The following BRINP3 variants were observed in gnomAD, a reference collection of about 807,000 sequenced individuals.
The protein encoded by BRINP3 is BMP/retinoic acid-inducible neural-specific protein 3.
BRINP3 carries 19 observed loss-of-function variants against 71.0 expected under a neutral mutation model. The ratio of observed to expected loss-of-function variants is 0.27; its 90% CI spans 0.19 to 0.39. The LOEUF is 0.39. Ranked by LOEUF, BRINP3 falls within the 10% of genes least tolerant of loss-of-function variation. The probability of loss-of-function intolerance (pLI) is 1.00; values close to 1 mark genes in which losing one functional copy is unlikely to be tolerated. For missense variants in BRINP3, 959 were observed against 940.8 expected (o/e 1.02, Z -0.25); for synonymous variants, 380 against 337.7 (o/e 1.13, Z -1.37).
intron 2 of BRINP3, among the ~76,000 whole-genome samples, chr1:190,375,425 A>G (rs1282257831): frequency 2.0e-5 from 3 of 151,966 alleles, no homozygotes; most frequent in Admixed American, 6.6e-5. Context: ...GAAAATATTG[A>G]TTTTTACTTT....
intron 2 of BRINP3, among the ~76,000 whole-genome samples, chr1:190,366,175 C>G (rs1355769552): frequency 6.6e-6 from 1 of 152,066 alleles, no homozygotes; most frequent in Non-Finnish European, 1.5e-5. Context: ...CTGCCTGAGA[C>G]TGAGTAATTT....
intron 6 of BRINP3, among the ~76,000 whole-genome samples, chr1:190,162,212 G>A (rs1479519342): frequency 1.4e-5 from 2 of 140,642 alleles, no homozygotes; most frequent in African/African-American, 5.7e-5. Flanking sequence ...TTTTTTTTGA[G>A]ATGGGGTTTT....
chr1:190,346,374 A>G (rs371743008), intron 2 of BRINP3, among the ~76,000 whole-genome samples: 8 of 152,078 alleles, frequency 5.3e-5, no homozygotes, highest in Non-Finnish European at 1.0e-4. Context: ...CTTTGTTAAT[A>G]TATAGTTAGT....
intron 7 of BRINP3, among the ~76,000 whole-genome samples, chr1:190,113,063 A>G (rs1453409781): frequency 6.6e-6 from 1 of 152,168 alleles, no homozygotes; most frequent in African/African-American, 2.4e-5. Flanking sequence ...AACTGTTGAT[A>G]CTACACAGTG....
chr1:190,337,117 T>C (rs1166725787), intron 2 of BRINP3, among the ~76,000 whole-genome samples: 1 of 151,904 alleles, frequency 6.6e-6, no homozygotes, highest in Non-Finnish European at 1.5e-5. Flanking sequence ...TGAAGTTATG[T>C]TTAACACTCA....
At chr1:190,314,037 T>C (rs1240326027) in intron 2 of BRINP3, among the ~76,000 whole-genome samples, 2 of 152,086 alleles carry the variant, frequency 1.3e-5, no homozygotes, top group Non-Finnish European at 2.9e-5. Flanking sequence ...TTAAGGGCTT[T>C]GTATTTTTTC....
chr1:190,277,087 T>TTTTTTATATATA (rs1290283215), intron 3 of BRINP3, among the ~76,000 whole-genome samples: 2 of 36,006 alleles, frequency 5.6e-5, no homozygotes, highest in Non-Finnish European at 1.3e-4. Context: ...AATTTTGGTT[T>TTTTTTATATATA]TATATATATA....
intron 7 of BRINP3, among the ~76,000 whole-genome samples, chr1:190,125,264 T>C (rs1653992183): frequency 6.6e-6 from 1 of 151,784 alleles, no homozygotes; most frequent in South Asian, 2.1e-4. Context: ...AACATGTCTA[T>C]ATATGCCTAT....
chr1:190,186,946 G>T (rs1302912286), intron 6 of BRINP3, among the ~76,000 whole-genome samples: 2 of 152,120 alleles, frequency 1.3e-5, no homozygotes, highest in African/African-American at 4.8e-5. Flanking sequence ...CTCTGAAATA[G>T]ATCTGTATCT....
chr1:190,369,598 A>C (rs1486365474), intron 2 of BRINP3, among the ~76,000 whole-genome samples: 3 of 152,086 alleles, frequency 2.0e-5, no homozygotes, highest in Non-Finnish European at 4.4e-5. Context: ...TTTGACAAAA[A>C]GACAATGTGT....
intron 6 of BRINP3, among the ~76,000 whole-genome samples, chr1:190,163,641 T>G (rs1272261297): frequency 1.3e-5 from 2 of 152,122 alleles, no homozygotes; most frequent in African/African-American, 4.8e-5. Context: ...TATTAATGAA[T>G]TCTGTGGAAA....
chr1:190,172,626 C>T (rs550677398), intron 6 of BRINP3, among the ~76,000 whole-genome samples: 13 of 152,218 alleles, frequency 8.5e-5, no homozygotes, highest in African/African-American at 3.1e-4. Flanking sequence ...TGTCATTAGT[C>T]TGAAGCTGGT....
chr1:190,223,262 T>C (rs1268237565), intron 6 of BRINP3, among the ~76,000 whole-genome samples: 1 of 151,860 alleles, frequency 6.6e-6, no homozygotes, highest in Admixed American at 6.6e-5. Flanking sequence ...TGAGCAGAGA[T>C]GCAAAGATAA....
intron 2 of BRINP3, among the ~76,000 whole-genome samples, chr1:190,295,694 G>T (rs1664193928): frequency 6.6e-6 from 1 of 151,816 alleles, no homozygotes; most frequent in Admixed American, 6.6e-5. Flanking sequence ...GACTATGAGG[G>T]CCCTGCCCTG....
At chr1:190,412,993 T>A (rs1470659884) in intron 2 of BRINP3, among the ~76,000 whole-genome samples, 1 of 152,198 alleles carries the variant, frequency 6.6e-6, no homozygotes, top group Non-Finnish European at 1.5e-5. Context: ...ATATTTTGCT[T>A]CATCACATTA....
chr1:190,164,842 G>T lies in BRINP3; in HGVS notation c.962-3952C>A, dbSNP rs564296912. 1.1e-4 allele frequency among the ~76,000 whole-genome samples: 17 copies of T among 152,030 alleles called. No homozygotes were observed. The South Asian group carries it at 3.5e-3, about 32-fold the overall frequency. ...CCCATCTCATCGACCCAAAACGCTG[G>T]AGTTTCAGGTATGACCTACAGTGCC... On this transcript the variant is annotated intron_variant, in intron 6 of 7. Transcript: ENST00000367462.
chr1:190,367,871 A>G (rs1411780874), intron 2 of BRINP3, among the ~76,000 whole-genome samples: 1 of 152,148 alleles, frequency 6.6e-6, no homozygotes, highest in Non-Finnish European at 1.5e-5. Flanking sequence ...AAGCCATTCA[A>G]CAATCTCTAG....
chr1:190,306,529 G>A (rs1665110728), intron 2 of BRINP3, among the ~76,000 whole-genome samples: 1 of 151,874 alleles, frequency 6.6e-6, no homozygotes. Context: ...AGAATTATTT[G>A]TTGAATTAAA....
At chr1:190,261,071 A>G (rs1365068863) in intron 4 of BRINP3, among the ~76,000 whole-genome samples, 3 of 152,048 alleles carry the variant, frequency 2.0e-5, no homozygotes, top group Non-Finnish European at 4.4e-5. Context: ...ATTATTTCTA[A>G]AAATTAAAAT....
Sources: allele counts gnomAD v4.1 joint callset (sites outside exome capture counted in the v4.1 genomes callset), GRCh38; gene constraint gnomAD v4.1.1; transcripts MANE v1.5; gene names NCBI Gene and HGNC (gene_info 2026-07-23, HGNC 2026-07-21).